Variants in BAZ2B observed in about 807,000 individuals in gnomAD.
BAZ2B encodes bromodomain adjacent to zinc finger domain 2B, also known as bromodomain adjacent to zinc finger domain protein 2B.
A neutral mutation model predicts 246.0 loss-of-function variants in BAZ2B; 91 were observed. The observed-to-expected ratio is 0.37, with a 90% CI of 0.31 to 0.44. The LOEUF is 0.44. Ranked by LOEUF, BAZ2B falls within the 20% of genes least tolerant of loss-of-function variation. The pLI, the probability that BAZ2B is intolerant of heterozygous loss-of-function variation, is 1.00. For missense variants in BAZ2B, 2,332 were observed against 2,533.7 expected (o/e 0.92, Z 1.71); for synonymous variants, 855 against 860.0 (o/e 0.99, Z 0.10).
intron 14 of BAZ2B, chr2:159,411,853 T>C: frequency 1.6e-6 from 1 of 630,556 alleles, no homozygotes; most frequent in Non-Finnish European, 2.0e-6. Context: ...TGAAAATATA[T>C]ATACTATATC....
chr2:159,563,206 G>A lies in BAZ2B; in HGVS notation c.-45-7341C>T, dbSNP rs62171577. 4.0e-3 allele frequency among the ~76,000 whole-genome samples: 606 copies of A among 152,132 alleles called. 2 individuals carry two copies. Among genetic ancestry groups the A allele is most frequent in the Non-Finnish European group, 6.3e-3 (425 of 67,964 alleles). Reference sequence around the variant, plus strand: ...AGAAATTAAATGATTACTGCTCTTGGTTTTTCCTAGAACATAGAATAATTT... The same window carrying A: ...AGAAATTAAATGATTACTGCTCTTGATTTTTCCTAGAACATAGAATAATTT... On this transcript the variant is annotated intron_variant, in intron 1 of 36. Coordinates refer to ENST00000392783, the MANE Select transcript of BAZ2B (RefSeq NM_013450.4).
chr2:159,645,524 A>T, the BAZ2B span, among the ~76,000 whole-genome samples: 2 of 152,160 alleles, frequency 1.3e-5, no homozygotes, highest in African/African-American at 4.8e-5. Context: ...AATAGGGTTC[A>T]CATTCCTCTG....
chr2:159,686,609 G>A, the BAZ2B span, among the ~76,000 whole-genome samples: 1,291 of 125,212 alleles, frequency 0.01, 13 homozygotes, highest in Middle Eastern at 0.019. Flanking sequence ...AACAGAAGAG[G>A]GATATTAAAA....
intron 2 of BAZ2B, among the ~76,000 whole-genome samples, chr2:159,523,995 G>A (rs746871047): frequency 6.6e-6 from 1 of 152,024 alleles, no homozygotes; most frequent in Non-Finnish European, 1.5e-5. Flanking sequence ...AGGAATAAGA[G>A]GGCAGAAATA....
chr2:159,679,269 C>T, the BAZ2B span, among the ~76,000 whole-genome samples: 7 of 24,726 alleles, frequency 2.8e-4, no homozygotes, highest in African/African-American at 1.6e-3. Flanking sequence ...GAGACTTCAT[C>T]TCAAAAAAAA....
At chr2:159,666,341 T>C in the BAZ2B span, among the ~76,000 whole-genome samples, 4 of 149,440 alleles carry the variant, frequency 2.7e-5, no homozygotes, top group Non-Finnish European at 4.4e-5. Flanking sequence ...CTCACTGCAA[T>C]CTCTGCCTCA....
chr2:159,459,255 A>G (rs2076141590), intron 3 of BAZ2B: 1 of 152,212 alleles, frequency 6.6e-6, no homozygotes, highest in Admixed American at 6.5e-5. Flanking sequence ...ACATTGCACA[A>G]AGCAAACTGT....
At chr2:159,694,715 T>G in the BAZ2B span, 1 of 152,260 alleles carries the variant, frequency 6.6e-6, no homozygotes, top group African/African-American at 2.4e-5. Context: ...ATACCACATT[T>G]TGTTTATCCA....
At chr2:159,433,403 A>G in intron 8 of BAZ2B, 40 bp from the exon 9 acceptor site, 2 of 1,541,832 alleles carry the variant, frequency 1.3e-6, no homozygotes, top group Non-Finnish European at 8.7e-7. Context: ...AAAATGTACC[A>G]CAAAACAAAG....
intron 27 of BAZ2B, among the ~76,000 whole-genome samples, chr2:159,367,333 TATC>T (rs975853035): frequency 6.6e-6 from 1 of 152,174 alleles, no homozygotes; most frequent in Non-Finnish European, 1.5e-5. Flanking sequence ...TATCTGAAGT[TATC>T]ATCACCAATA....
chr2:159,658,253 A>G, the BAZ2B span, among the ~76,000 whole-genome samples: 1 of 152,220 alleles, frequency 6.6e-6, no homozygotes, highest in Non-Finnish European at 1.5e-5. Context: ...CCAACCTTGC[A>G]TAACTGGAAT....
At chr2:159,324,716 T>A in intron 36 of BAZ2B, 95 bp downstream of exon 36, 4 of 687,438 alleles carry the variant, frequency 5.8e-6, no homozygotes, top group Non-Finnish European at 6.3e-6. Flanking sequence ...GCCTATATCT[T>A]GCTGTTAATT....
the BAZ2B span, among the ~76,000 whole-genome samples, chr2:159,652,740 C>T: frequency 3.9e-5 from 6 of 152,036 alleles, 1 homozygote; most frequent in Non-Finnish European, 2.9e-5. Context: ...GCCTCGGCCT[C>T]CCAAGAAGTT....
chr2:159,364,345 T>G (rs2060005047), intron 27 of BAZ2B, among the ~76,000 whole-genome samples: 1 of 152,144 alleles, frequency 6.6e-6, no homozygotes, highest in Non-Finnish European at 1.5e-5. Context: ...TTGCGTGAAT[T>G]CTAGTTGTTT....
At chr2:159,645,978 G>A in the BAZ2B span, among the ~76,000 whole-genome samples, 4 of 152,074 alleles carry the variant, frequency 2.6e-5, no homozygotes, top group African/African-American at 9.7e-5. Flanking sequence ...ATGAAGTTTC[G>A]GGCACCATTG....
chr2:159,491,175 T>C (rs894980796), intron 2 of BAZ2B, among the ~76,000 whole-genome samples: 1 of 152,196 alleles, frequency 6.6e-6, no homozygotes, highest in Admixed American at 6.5e-5. Context: ...CAACACTCAC[T>C]AATGTATGTC....
At chr2:159,408,398 T>C (rs1408733674) in intron 14 of BAZ2B, among the ~76,000 whole-genome samples, 3 of 152,318 alleles carry the variant, frequency 2.0e-5, no homozygotes, top group Non-Finnish European at 4.4e-5. Context: ...ATTGAACTCC[T>C]GGCTTCAAGC....
At chr2:159,441,922 T>C (rs2073474967) in intron 6 of BAZ2B, among the ~76,000 whole-genome samples, 2 of 152,258 alleles carry the variant, frequency 1.3e-5, no homozygotes, top group Admixed American at 6.5e-5. Context: ...TTTCACTGTA[T>C]ATTTATTTCT....
intron 2 of BAZ2B, among the ~76,000 whole-genome samples, chr2:159,546,226 G>A (rs2087321915): frequency 6.6e-6 from 1 of 152,024 alleles, no homozygotes; most frequent in Admixed American, 6.6e-5. Flanking sequence ...CCAGTGGGAG[G>A]TGACTGAATT....
Sources: gnomAD v4.1 joint callset for allele counts (sites outside exome capture counted in the v4.1 genomes callset) on GRCh38, gnomAD v4.1.1 for gene constraint, MANE v1.5 for transcripts, NCBI Gene and HGNC (gene_info 2026-07-23, HGNC 2026-07-21) for gene names.